Variants in CPQ observed in about 807,000 individuals in gnomAD.
CPQ encodes carboxypeptidase Q, also known as Ser-Met dipeptidase.
A neutral mutation model predicts 45.7 loss-of-function variants in CPQ; 37 were observed. The ratio of observed to expected loss-of-function variants is 0.81; its 90% CI spans 0.62 to 1.07. The LOEUF is 1.07. Among genes scored for constraint, CPQ ranks in the 50% least tolerant of loss-of-function variants. CPQ has a pLI of 0.00. For synonymous variants in CPQ, 186 were observed against 205.8 expected (o/e 0.90, Z 0.82); for missense variants, 537 against 572.9 (o/e 0.94, Z 0.64).
intron 7 of CPQ, among the ~76,000 whole-genome samples, chr8:97,095,224 A>G (rs1241398673): frequency 6.6e-6 from 1 of 152,152 alleles, no homozygotes. Flanking sequence ...CCACTTGGGT[A>G]TCCTGTAGGT....
intron 2 of CPQ, among the ~76,000 whole-genome samples, chr8:96,831,174 G>A (rs185809836): frequency 3.2e-4 from 49 of 152,122 alleles, no homozygotes; most frequent in Middle Eastern, 6.8e-3. Context: ...ATCAGGGATG[G>A]GGTATTATAC....
At chr8:97,104,453 G>A (rs1309471380) in intron 7 of CPQ, among the ~76,000 whole-genome samples, 1 of 152,116 alleles carries the variant, frequency 6.6e-6, no homozygotes, top group African/African-American at 2.4e-5. Flanking sequence ...AGTAGCCTCT[G>A]ATGAAGTTTT....
At chr8:96,785,626 G>A (rs1319757972) in intron 2 of CPQ, among the ~76,000 whole-genome samples, 2 of 152,100 alleles carry the variant, frequency 1.3e-5, no homozygotes, top group Non-Finnish European at 2.9e-5. Context: ...TGGTTCTATA[G>A]ATAATTGAAA....
intron 1 of CPQ, among the ~76,000 whole-genome samples, chr8:96,743,524 T>C (rs1179305797): frequency 6.6e-6 from 1 of 152,206 alleles, no homozygotes; most frequent in African/African-American, 2.4e-5. Flanking sequence ...GGTGAGGAAC[T>C]GCATTCCTTT....
chr8:96,682,632 G>T (rs1328677069), intron 1 of CPQ, among the ~76,000 whole-genome samples: 6 of 152,106 alleles, frequency 3.9e-5, no homozygotes, highest in Admixed American at 3.9e-4. Context: ...CTGCTGTTGG[G>T]TGCTTGTATG....
intron 1 of CPQ, among the ~76,000 whole-genome samples, chr8:96,740,368 A>C (rs955323608): frequency 1.3e-5 from 2 of 152,146 alleles, no homozygotes; most frequent in African/African-American, 4.8e-5. Context: ...TTGGGCTGAG[A>C]AGATGGGGTT....
chr8:96,683,539 G>T (rs1356564885), intron 1 of CPQ, among the ~76,000 whole-genome samples: 1 of 151,996 alleles, frequency 6.6e-6, no homozygotes, highest in Non-Finnish European at 1.5e-5. Context: ...GAGTTTTTGT[G>T]CTTCTTGTAC....
chr8:96,670,462 G>T (rs761415644), intron 1 of CPQ, among the ~76,000 whole-genome samples: 6 of 151,816 alleles, frequency 4.0e-5, no homozygotes, highest in African/African-American at 1.5e-4. Flanking sequence ...GAGGATAGAT[G>T]GTGTCATGCA....
intron 1 of CPQ, among the ~76,000 whole-genome samples, chr8:96,687,945 TTAGAG>T (rs1280720855): frequency 6.6e-6 from 1 of 152,094 alleles, no homozygotes; most frequent in Non-Finnish European, 1.5e-5. Context: ...GTCTCTATTT[TTAGAG>T]TAATGTATAT....
chr8:96,810,935 A>G (rs1017130415), intron 2 of CPQ, among the ~76,000 whole-genome samples: 3 of 152,226 alleles, frequency 2.0e-5, no homozygotes, highest in South Asian at 2.1e-4. Context: ...TGGCAAGCCA[A>G]GTAGAGGTTA....
At position 97,045,178 on chromosome 8, in the gene CPQ, A is replaced by G. The variant is rs985316076; in HGVS notation, c.1053+15684A>G. Among the ~76,000 whole-genome samples the G allele has an allele frequency of 3.3e-5, 5 of 152,310 alleles. 1 individual carries two copies. Among genetic ancestry groups the G allele is most frequent in the African/African-American group, 1.2e-4 (5 of 41,574 alleles). ...CCCGGCTGCTTTTTTTACCTAAGCA[A>G]GCCTGGGCAATGGTGGGCGCCCCTC... On this transcript the variant is annotated intron_variant, in intron 6 of 7. Coordinates refer to ENST00000220763, the MANE Select transcript of CPQ (RefSeq NM_016134.4).
intron 6 of CPQ, among the ~76,000 whole-genome samples, chr8:97,031,476 G>A (rs1388135518): frequency 4.6e-5 from 7 of 152,174 alleles, no homozygotes; most frequent in South Asian, 2.1e-4. Context: ...GTGAGCCACC[G>A]TGCCCTCTTT....
At chr8:96,816,724 A>G (rs1024910505) in intron 2 of CPQ, among the ~76,000 whole-genome samples, 1 of 152,182 alleles carries the variant, frequency 6.6e-6, no homozygotes, top group Non-Finnish European at 1.5e-5. Context: ...AGCAGGCAAG[A>G]AAACAACATT....
chr8:96,745,048 G>A (rs775690496), intron 1 of CPQ, among the ~76,000 whole-genome samples: 3 of 152,276 alleles, frequency 2.0e-5, no homozygotes, highest in East Asian at 3.9e-4. Flanking sequence ...AGTGGCTCAC[G>A]CCTGTAATCC....
chr8:96,976,219 A>G (rs1813777566), intron 5 of CPQ, among the ~76,000 whole-genome samples: 1 of 147,280 alleles, frequency 6.8e-6, no homozygotes, highest in South Asian at 2.2e-4. Flanking sequence ...AATCAAATTA[A>G]GAACTCAACC....
intron 1 of CPQ, among the ~76,000 whole-genome samples, chr8:96,740,516 A>C (rs1025459699): frequency 4.0e-5 from 6 of 151,692 alleles, no homozygotes; most frequent in African/African-American, 1.5e-4. Context: ...AGGAGTGGTG[A>C]GAGAGGGCAT....
chr8:96,764,889 A>C (rs1810447555), intron 1 of CPQ, among the ~76,000 whole-genome samples: 1 of 152,234 alleles, frequency 6.6e-6, no homozygotes, highest in South Asian at 2.1e-4. Context: ...GTACCTTTGA[A>C]TTAAATTGCA....
chr8:97,031,550 A>G (rs181273408), intron 6 of CPQ, among the ~76,000 whole-genome samples: 9 of 152,324 alleles, frequency 5.9e-5, no homozygotes, highest in Non-Finnish European at 1.5e-5. Context: ...TGATCTGGCT[A>G]AAAATTTTAT....
intron 4 of CPQ, among the ~76,000 whole-genome samples, chr8:96,942,788 A>T (rs984403143): frequency 1.3e-5 from 2 of 152,292 alleles, no homozygotes; most frequent in Admixed American, 6.5e-5. Flanking sequence ...AGGAGTCTGC[A>T]CTGATGCAGA....
Sources: allele counts gnomAD v4.1 joint callset (sites outside exome capture counted in the v4.1 genomes callset), GRCh38; gene constraint gnomAD v4.1.1; transcripts MANE v1.5; gene names NCBI Gene and HGNC (gene_info 2026-07-23, HGNC 2026-07-21).